CDKAL1: variants seen among roughly 807,000 people sequenced by gnomAD.
The protein encoded by CDKAL1 is CDKAL1 threonylcarbamoyladenosine tRNA methylthiotransferase.
CDKAL1 carries 32 observed loss-of-function variants against 68.2 expected under a neutral mutation model. The observed-to-expected ratio is 0.47, with a 90% CI of 0.35 to 0.63. The LOEUF is 0.63. CDKAL1 is among the 30% of genes least tolerant of loss of function. The probability of loss-of-function intolerance (pLI) is 0.00; values close to 1 mark genes in which losing one functional copy is unlikely to be tolerated. For missense variants in CDKAL1, 606 were observed against 696.7 expected, an observed-to-expected ratio of 0.87 and a Z score of 1.47; for synonymous variants, 234 against 244.3, an observed-to-expected ratio of 0.96 and a Z score of 0.39.
At chr6:21,161,402 A>G (rs1158282940) in intron 13 of CDKAL1, among the ~76,000 whole-genome samples, 1 of 152,222 alleles carries the variant, frequency 6.6e-6, no homozygotes, top group African/African-American at 2.4e-5. Flanking sequence ...ATTGAATGGT[A>G]GTTCCTTTGT....
chr6:21,048,544 C>T (rs1217568669), intron 11 of CDKAL1, among the ~76,000 whole-genome samples: 1 of 151,890 alleles, frequency 6.6e-6, no homozygotes, highest in African/African-American at 2.4e-5. Flanking sequence ...TATCCCTATT[C>T]AGTATTATTT....
At chr6:20,712,698 G>A (rs747674736) in intron 5 of CDKAL1, among the ~76,000 whole-genome samples, 19 of 151,712 alleles carry the variant, frequency 1.3e-4, no homozygotes, top group African/African-American at 4.6e-4. Context: ...ATGCTGGAGC[G>A]CAATGGCACA....
chr6:21,206,916 T>C (rs1240221285), intron 15 of CDKAL1, among the ~76,000 whole-genome samples: 1 of 144,674 alleles, frequency 6.9e-6, no homozygotes, highest in African/African-American at 2.5e-5. Flanking sequence ...TTTGATTTCT[T>C]TTACTTTAAT....
At chr6:20,958,431 C>A (rs1017224608) in intron 10 of CDKAL1, among the ~76,000 whole-genome samples, 3 of 152,162 alleles carry the variant, frequency 2.0e-5, no homozygotes, top group Non-Finnish European at 4.4e-5. Flanking sequence ...TACATGGCTT[C>A]CCAGTGTCAA....
chr6:20,785,871 A>G (rs1775650322), intron 8 of CDKAL1, among the ~76,000 whole-genome samples: 1 of 152,180 alleles, frequency 6.6e-6, no homozygotes, highest in Non-Finnish European at 1.5e-5. Context: ...TGAAGTTACT[A>G]TTAGAACCAT....
intron 9 of CDKAL1, among the ~76,000 whole-genome samples, chr6:20,896,641 G>A (rs542534351): frequency 6.6e-6 from 1 of 152,048 alleles, no homozygotes; most frequent in Admixed American, 6.5e-5. Flanking sequence ...AAATATATAT[G>A]GCCATGTTTG....
chr6:20,925,186 C>T (rs182909736), intron 9 of CDKAL1, among the ~76,000 whole-genome samples: 13 of 152,294 alleles, frequency 8.5e-5, no homozygotes, highest in Non-Finnish European at 1.6e-4. Context: ...AAAAAAATTA[C>T]GACTCCCTGA....
intron 4 of CDKAL1, among the ~76,000 whole-genome samples, chr6:20,648,868 G>A (rs1768612969): frequency 6.6e-6 from 1 of 152,148 alleles, no homozygotes; most frequent in Admixed American, 6.5e-5. Context: ...AATTTTTAAG[G>A]CAGACAAGTT....
intron 10 of CDKAL1, among the ~76,000 whole-genome samples, chr6:20,986,983 T>C (rs1185424262): frequency 6.6e-6 from 1 of 152,222 alleles, no homozygotes; most frequent in Non-Finnish European, 1.5e-5. Flanking sequence ...GTTCATAGAC[T>C]GTAAAATAGG....
At chr6:20,826,074 A>G (rs1014831792) in intron 8 of CDKAL1, among the ~76,000 whole-genome samples, 1 of 152,174 alleles carries the variant, frequency 6.6e-6, no homozygotes, top group Non-Finnish European at 1.5e-5. Flanking sequence ...CCTTGCTTAA[A>G]TAGATGTAGC....
intron 11 of CDKAL1, among the ~76,000 whole-genome samples, chr6:21,011,818 C>G (rs989372813): frequency 6.6e-6 from 1 of 152,120 alleles, no homozygotes; most frequent in Admixed American, 6.5e-5. Flanking sequence ...ATCATTAAAT[C>G]TACCAGTATA....
At chr6:20,760,602 A>C (rs1002371024) in intron 7 of CDKAL1, among the ~76,000 whole-genome samples, 3 of 152,204 alleles carry the variant, frequency 2.0e-5, no homozygotes, top group Non-Finnish European at 4.4e-5. Flanking sequence ...GTCTGGCTCC[A>C]AAGCCTGTAC....
intron 5 of CDKAL1, among the ~76,000 whole-genome samples, chr6:20,674,117 TGAGTTA>T (rs1409587781): frequency 2.0e-5 from 3 of 152,218 alleles, no homozygotes; most frequent in South Asian, 2.1e-4. Flanking sequence ...TTTTATAGTT[TGAGTTA>T]ATTTTTATCA....
In CDKAL1 at chr6:20,844,310, A is replaced by G. The variant is rs904238115; in HGVS notation, c.639-1765A>G. On this transcript the variant is annotated intron_variant, in intron 8 of 15. Coordinates refer to ENST00000274695, the MANE Select transcript of CDKAL1 (RefSeq NM_017774.3). ...GCTATATTAGTTTAAATCTCATGTCAGATGATTTGCAGGTCTTTTTATTTG... is the reference window on the plus strand; with the variant it reads ...GCTATATTAGTTTAAATCTCATGTCGGATGATTTGCAGGTCTTTTTATTTG... Among the ~76,000 whole-genome samples the G allele has an allele frequency of 1.1e-4, 17 of 152,182 alleles. 1 individual carries two copies. Among genetic ancestry groups the G allele is most frequent in the Admixed American group, 1.1e-3 (17 of 15,284 alleles).
intron 9 of CDKAL1, among the ~76,000 whole-genome samples, chr6:20,874,442 T>C (rs1289703101): frequency 6.6e-6 from 1 of 152,048 alleles, no homozygotes; most frequent in Non-Finnish European, 1.5e-5. Context: ...TAGGTGTGAT[T>C]ACAGGTGCCC....
chr6:21,211,752 AT>A (rs1307653721), intron 15 of CDKAL1, among the ~76,000 whole-genome samples: 1 of 151,958 alleles, frequency 6.6e-6, no homozygotes, highest in Admixed American at 6.6e-5. Flanking sequence ...ATGTGGGAAT[AT>A]TTTGTTTTGC....
chr6:20,946,939 G>A (rs1764267859), intron 9 of CDKAL1, among the ~76,000 whole-genome samples: 1 of 152,030 alleles, frequency 6.6e-6, no homozygotes, highest in South Asian at 2.1e-4. Context: ...ATTTTTATTA[G>A]CACTTATTTT....
At chr6:20,587,785 A>G (rs1296001565) in intron 4 of CDKAL1, among the ~76,000 whole-genome samples, 1 of 149,530 alleles carries the variant, frequency 6.7e-6, no homozygotes, top group African/African-American at 2.5e-5. Context: ...TCAATACACC[A>G]GAACCAAAAA....
At chr6:21,075,503 C>T (rs1442544978) in intron 12 of CDKAL1, among the ~76,000 whole-genome samples, 1 of 151,986 alleles carries the variant, frequency 6.6e-6, no homozygotes, top group Non-Finnish European at 1.5e-5. Flanking sequence ...GTATAATCCT[C>T]TTAACTTTAT....
Sources: gnomAD v4.1 joint callset for allele counts (sites outside exome capture counted in the v4.1 genomes callset) on GRCh38, gnomAD v4.1.1 for gene constraint, MANE v1.5 for transcripts, NCBI Gene and HGNC (gene_info 2026-07-23, HGNC 2026-07-21) for gene names.